Variants in CASK observed in about 807,000 individuals in gnomAD.
CASK encodes calcium/calmodulin dependent serine protein kinase.
CASK carries 4 observed loss-of-function variants against 82.9 expected under a neutral mutation model. The ratio of observed to expected loss-of-function variants is 0.05; its 90% confidence interval spans 0.02 to 0.11. CASK has a LOEUF of 0.11. Among genes scored for constraint, CASK ranks in the 10% least tolerant of loss-of-function variants. The probability of loss-of-function intolerance (pLI) is 1.00; values close to 1 mark genes in which losing one functional copy is unlikely to be tolerated. For missense variants in CASK, 358 were observed against 720.9 expected (o/e 0.50, Z 5.76); for synonymous variants, 259 against 253.5 (o/e 1.02, Z -0.20).
Position 41,740,734 on chromosome X carries a change from C to A in CASK, c.357-1278G>T, listed in dbSNP as rs144550717. On this transcript the variant is annotated intron_variant, in intron 4 of 26. Coordinates refer to ENST00000378163, the MANE Select transcript of CASK (RefSeq NM_001367721.1). ...TCCTGTACTAATCACAGGCTCCTTA[C>A]AACGGGGCTTTAAGCCAGAGAGCTA... Among the ~76,000 whole-genome samples the A allele has an allele frequency of 8.3e-3, 935 of 112,486 alleles. 10 individuals are homozygous for A. The highest frequency in any genetic ancestry group is 0.029 in the African/African-American group (898 of 31,006).
chrX:41,550,241 T>G (rs2065078229), intron 21 of CASK, among the ~76,000 whole-genome samples: 1 of 112,126 alleles, frequency 8.9e-6, no homozygotes, highest in African/African-American at 3.2e-5. Context: ...ACCCCCATCT[T>G]GCATTTTCCA....
At chrX:41,708,946 C>T (rs1183933199) in intron 5 of CASK, among the ~76,000 whole-genome samples, 2 of 110,770 alleles carry the variant, frequency 1.8e-5, no homozygotes, top group African/African-American at 6.6e-5. Flanking sequence ...TTATTAAAAC[C>T]ATACATTTTT....
chrX:41,674,581 A>G (rs1423955513), intron 5 of CASK, among the ~76,000 whole-genome samples: 1 of 111,236 alleles, frequency 9.0e-6, no homozygotes, highest in Non-Finnish European at 1.9e-5. Flanking sequence ...CCCTCTCCCA[A>G]AAAAATTGGA....
In CASK at chrX:41,572,644, T is replaced by C. The variant is rs765879867; in HGVS notation, c.1504-2898A>G. On this transcript the variant is annotated intron_variant, in intron 15 of 26. Transcript: ENST00000378163. Reference sequence around the variant, plus strand: ...TTTGTGCTACTGTTGTCATACATTTTATTTTTCCATATACTATAAACTCTA... The same window carrying C: ...TTTGTGCTACTGTTGTCATACATTTCATTTTTCCATATACTATAAACTCTA... 8.9e-5 allele frequency among the ~76,000 whole-genome samples: 10 copies of C among 112,445 alleles called. No individual in the cohort carries two copies. The South Asian group carries it at 3.7e-3, about 41-fold the overall frequency.
intron 1 of CASK, among the ~76,000 whole-genome samples, chrX:41,854,271 C>T (rs768055292): frequency 7.3e-5 from 8 of 109,835 alleles, no homozygotes; most frequent in African/African-American, 2.0e-4. Context: ...CACACACACA[C>T]ACGGTTCCCT....
chrX:41,906,754 A>T (rs180853726), intron 1 of CASK, among the ~76,000 whole-genome samples: 114 of 112,748 alleles, frequency 1.0e-3, no homozygotes, highest in African/African-American at 3.5e-3. Flanking sequence ...GATAAAACAG[A>T]AATGAGGAGG....
chrX:41,612,393 C>T (rs1194023241), intron 11 of CASK, among the ~76,000 whole-genome samples: 1 of 106,762 alleles, frequency 9.4e-6, no homozygotes, highest in Non-Finnish European at 2.0e-5. Context: ...GCAACCGCCC[C>T]GTCTGAGAAG....
At chrX:41,691,566 G>A (rs2067559760) in intron 5 of CASK, among the ~76,000 whole-genome samples, 1 of 110,906 alleles carries the variant, frequency 9.0e-6, no homozygotes, top group Admixed American at 9.6e-5. Context: ...TCATTTAAGA[G>A]TTGTGTGGCC....
chrX:41,580,845 T>G (rs2065565495), intron 14 of CASK, among the ~76,000 whole-genome samples: 1 of 112,559 alleles, frequency 8.9e-6, no homozygotes, highest in Non-Finnish European at 1.9e-5. Flanking sequence ...CTGTCAGTTT[T>G]AACTACGTAA....
At chrX:41,910,913 T>C (rs1247943317) in intron 1 of CASK, among the ~76,000 whole-genome samples, 1 of 111,988 alleles carries the variant, frequency 8.9e-6, no homozygotes, top group Non-Finnish European at 1.9e-5. Context: ...ATAATATGTA[T>C]GGTTGGTAAA....
chrX:41,730,295 T>C (rs1043517128), intron 5 of CASK, among the ~76,000 whole-genome samples: 1 of 111,533 alleles, frequency 9.0e-6, no homozygotes, highest in Non-Finnish European at 1.9e-5. Flanking sequence ...CAATTCACAG[T>C]ACATTGCCCA....
chrX:41,840,385 T>C (rs2071010230), intron 2 of CASK, among the ~76,000 whole-genome samples: 1 of 112,393 alleles, frequency 8.9e-6, no homozygotes, highest in Non-Finnish European at 1.9e-5. Flanking sequence ...TGCACATTGC[T>C]GGCATGTAAG....
At chrX:41,829,777 CCAAA>C (rs1202429891) in intron 2 of CASK, among the ~76,000 whole-genome samples, 1 of 53,819 alleles carries the variant, frequency 1.9e-5, no homozygotes, top group Non-Finnish European at 3.4e-5. Flanking sequence ...GTAGATATTC[CCAAA>C]CAGTTTATCA....
intron 5 of CASK, among the ~76,000 whole-genome samples, chrX:41,701,451 C>T (rs745871647): frequency 6.2e-4 from 70 of 112,470 alleles, no homozygotes; most frequent in African/African-American, 2.1e-3. Context: ...AAACAAACTT[C>T]ACTTGTAAAG....
At chrX:41,921,382 T>A (rs2072777718) in intron 1 of CASK, among the ~76,000 whole-genome samples, 1 of 112,257 alleles carries the variant, frequency 8.9e-6, no homozygotes, top group Admixed American at 9.4e-5. Flanking sequence ...TCATTAATAT[T>A]TTTTCATATT....
chrX:41,656,846 G>A (rs2066949449), intron 8 of CASK, among the ~76,000 whole-genome samples: 1 of 111,185 alleles, frequency 9.0e-6, no homozygotes, highest in African/African-American at 3.3e-5. Flanking sequence ...AACTCCCCCT[G>A]CCCCTCCCTA....
chrX:41,606,907 G>A (rs2065972144), intron 12 of CASK, among the ~76,000 whole-genome samples: 1 of 109,887 alleles, frequency 9.1e-6, no homozygotes, highest in South Asian at 3.9e-4. Flanking sequence ...TGCCCAGGCT[G>A]GTCTTGAGCT....
rs1556029489 is a variant in CASK, at chrX:41,710,132, T to TG, written c.429+29251_429+29252insC. ...GTGTGTGTGTGTGTGTGTGTGTGTG[T>TG]TTTGTACCTGGGGTGATACAATGGA... On this transcript the variant is annotated intron_variant, in intron 5 of 26. Coordinates refer to ENST00000378163, the MANE Select transcript of CASK (RefSeq NM_001367721.1). Among the ~76,000 whole-genome samples, 29 of 106,201 alleles carry TG rather than the reference T, an allele frequency of 2.7e-4. No homozygotes were observed. The East Asian group carries it at 4.1e-3, about 15-fold the overall frequency. 92.2% of individuals were successfully genotyped at this position (106,201 alleles called of 115,157 possible).
chrX:41,520,973 C>T (rs1330204526), intron 26 of CASK, among the ~76,000 whole-genome samples: 1 of 111,786 alleles, frequency 8.9e-6, no homozygotes, highest in Non-Finnish European at 1.9e-5. Flanking sequence ...GCAGGAAGCC[C>T]CCCGCCCTAG....
Sources: allele counts gnomAD v4.1 joint callset (sites outside exome capture counted in the v4.1 genomes callset), GRCh38; gene constraint gnomAD v4.1.1; transcripts MANE v1.5; gene names NCBI Gene and HGNC (gene_info 2026-07-23, HGNC 2026-07-21).